The following PDGFD variants were observed in gnomAD, a reference collection of about 807,000 sequenced individuals.
PDGFD encodes platelet-derived growth factor D.
PDGFD carries 30 observed loss-of-function variants against 44.7 expected under a neutral mutation model. The ratio of observed to expected loss-of-function variants is 0.67; its 90% CI spans 0.50 to 0.91. The LOEUF (loss-of-function observed/expected upper bound fraction) is 0.91, where lower values mean the gene tolerates loss of function less well. Among genes scored for constraint, PDGFD ranks in the 40% least tolerant of loss-of-function variants. The pLI, the probability that PDGFD is intolerant of heterozygous loss-of-function variation, is 0.00. For missense variants in PDGFD, 445 were observed against 457.8 expected, an observed-to-expected ratio of 0.97 and a Z score of 0.25; for synonymous variants, 173 against 168.4, an observed-to-expected ratio of 1.03 and a Z score of -0.21.
intron 1 of PDGFD, among the ~76,000 whole-genome samples, chr11:104,091,105 G>C (rs2134437105): frequency 6.6e-6 from 1 of 152,264 alleles, no homozygotes; most frequent in African/African-American, 2.4e-5. Context: ...AGGTCTAAGA[G>C]GAAGCATGGT....
At position 104,163,878 on chromosome 11, in the gene PDGFD, C is replaced by G; in HGVS notation, c.50G>C (p.Ser17Thr). 1 of 1,577,332 alleles carries G rather than the reference C, an allele frequency of 6.3e-7. No individual in the cohort carries two copies. Among genetic ancestry groups the G allele is most frequent in the South Asian group, 1.1e-5 (1 of 86,962 alleles). ...VYTLICANFCSCRDTSATPQS... is the reference protein window; with the variant it reads ...VYTLICANFCTCRDTSATPQS... ...CGGGGTTGCAGAAGTGTCCCGACAG[C>G]TGCAAAAGTTTGCGCAGATTAGAGT... The change falls in exon 1 of 7, where the codon AGC becomes ACC. Residue 17 changes from serine to threonine, a missense_variant. By Grantham distance (58) the Ser-to-Thr change is moderately conservative (BLOSUM62 1). Coordinates refer to ENST00000393158, the MANE Select transcript of PDGFD (RefSeq NM_025208.5).
intron 1 of PDGFD, among the ~76,000 whole-genome samples, chr11:104,100,327 T>C (rs1861355997): frequency 6.6e-6 from 1 of 152,128 alleles, no homozygotes; most frequent in African/African-American, 2.4e-5. Flanking sequence ...CAGAGAACAC[T>C]ATAAACACGT....
intron 1 of PDGFD, among the ~76,000 whole-genome samples, chr11:104,054,855 C>T (rs546984269): frequency 4.2e-4 from 64 of 152,200 alleles, no homozygotes; most frequent in African/African-American, 1.4e-3. Flanking sequence ...TAATCAGCCT[C>T]GGAGAGGAGG....
At chr11:103,928,524 C>T (rs1209863097) in intron 5 of PDGFD, among the ~76,000 whole-genome samples, 1 of 152,194 alleles carries the variant, frequency 6.6e-6, no homozygotes, top group Non-Finnish European at 1.5e-5. Context: ...AGGAAAATTG[C>T]AGGAACAAGT....
At chr11:104,103,462 G>GTGTGTATATATATATA (rs1041388346) in intron 1 of PDGFD, among the ~76,000 whole-genome samples, 20 of 133,242 alleles carry the variant, frequency 1.5e-4, no homozygotes, top group African/African-American at 3.6e-4. Flanking sequence ...GTGTGTGTGT[G>GTGTGTATATATATATA]TATATATATA....
At chr11:104,126,601 G>A (rs1167261888) in intron 1 of PDGFD, among the ~76,000 whole-genome samples, 2 of 152,116 alleles carry the variant, frequency 1.3e-5, no homozygotes, top group African/African-American at 4.8e-5. Context: ...TGCTATTTCT[G>A]TTCTTAAGGA....
At chr11:103,949,225 A>C (rs1858709590) in intron 3 of PDGFD, among the ~76,000 whole-genome samples, 3 of 151,932 alleles carry the variant, frequency 2.0e-5, no homozygotes, top group Non-Finnish European at 4.4e-5. Flanking sequence ...CTGGTCTTGA[A>C]CTATTGACCT....
rs1858945271 is a variant in PDGFD, at chr11:103,962,019, A to G, written c.511-14295T>C. ...TTTTTTTATAATCTGGAATTCAGTGAACTTAAGTAACATAATGGGGTTCCT... is the reference window on the plus strand; with the variant it reads ...TTTTTTTATAATCTGGAATTCAGTGGACTTAAGTAACATAATGGGGTTCCT... On this transcript the variant is annotated intron_variant, in intron 3 of 6. Transcript: ENST00000393158. Among the ~76,000 whole-genome samples, 3 of 152,176 alleles carry G rather than the reference A, an allele frequency of 2.0e-5. 1 individual carries two copies. The highest frequency in any genetic ancestry group is 1.3e-4 in the Admixed American group (2 of 15,260).
In PDGFD at chr11:103,957,030, T is replaced by C. The variant is rs1157897953; in HGVS notation, c.511-9306A>G. ...GTTTGCCTGTTCACTCTGATGGTAG[T>C]TTCTTTTGCTGTGCAGAAGCTCTTT... is the stretch of plus-strand genomic sequence containing the variant. On this transcript the variant is annotated intron_variant, in intron 3 of 6. Coordinates refer to ENST00000393158, the MANE Select transcript of PDGFD (RefSeq NM_025208.5). Among the ~76,000 whole-genome samples the C allele has an allele frequency of 5.3e-5, 8 of 152,330 alleles. No individual in the cohort carries two copies. In the South Asian group the frequency reaches 1.7e-3, roughly 32 times the overall value.
intron 1 of PDGFD, among the ~76,000 whole-genome samples, chr11:104,159,566 T>TA (rs1227941969): frequency 6.6e-6 from 1 of 152,182 alleles, no homozygotes; most frequent in African/African-American, 2.4e-5. Context: ...TCTAGACTCT[T>TA]AGAGTGATAG....
rs547833423 is a variant in PDGFD at position 104,108,151 on chromosome 11, T to C, written c.124+55653A>G. The stretch of plus-strand genomic sequence containing the variant: ...GCAGGTAATTCAAAGAAAGAGGTCT[T>C]GGTGCTTAAGATAAGACACCAAAAG... On this transcript the variant is annotated intron_variant, in intron 1 of 6. Transcript: ENST00000393158. Among the ~76,000 whole-genome samples, 46 of 152,190 alleles carry C rather than the reference T, an allele frequency of 3.0e-4. No homozygotes were observed. In the South Asian group the frequency reaches 4.6e-3, roughly 15 times the overall value.
At chr11:103,946,647 C>T (rs1858671837) in intron 4 of PDGFD, 1 of 152,200 alleles carries the variant, frequency 6.6e-6, no homozygotes, top group South Asian at 2.1e-4. Flanking sequence ...AGCATATCTG[C>T]CTTGTGTTGA....
At chr11:103,972,720 C>G (rs976528275) in intron 3 of PDGFD, among the ~76,000 whole-genome samples, 2 of 152,150 alleles carry the variant, frequency 1.3e-5, no homozygotes, top group Admixed American at 1.3e-4. Context: ...AATGTCCATA[C>G]TGCTAATACT....
intron 1 of PDGFD, among the ~76,000 whole-genome samples, chr11:104,042,171 A>C (rs1337492006): frequency 6.6e-6 from 1 of 152,256 alleles, no homozygotes; most frequent in East Asian, 1.9e-4. Flanking sequence ...ATTCTGTCTT[A>C]GGTACCGATT....
rs981551524 is a variant in PDGFD, at chr11:104,082,133, C to CATATATATATATAT, written c.124+81670_124+81671insATATATATATATAT. ...ATTTTTGTTGATGTCCATATACATA[C>CATATATATATATAT]ATACATATATATATATGAAAAACAA... is the stretch of plus-strand genomic sequence containing the variant. On this transcript the variant is annotated intron_variant, in intron 1 of 6. Transcript: ENST00000393158. Among the ~76,000 whole-genome samples the CATATATATATATAT allele has an allele frequency of 5.4e-4, 63 of 117,534 alleles. 3 individuals are homozygous for CATATATATATATAT. Among genetic ancestry groups the CATATATATATATAT allele is most frequent in the East Asian group, 1.6e-3 (6 of 3,686 alleles). 77.1% of individuals were successfully genotyped at this position (117,534 alleles called of 152,430 possible).
chr11:104,088,745 A>G (rs1861169720), intron 1 of PDGFD, among the ~76,000 whole-genome samples: 1 of 152,166 alleles, frequency 6.6e-6, no homozygotes, highest in African/African-American at 2.4e-5. Flanking sequence ...GGTCAACTAG[A>G]TCAGACTCGT....
intron 1 of PDGFD, 40 bp from the exon 2 acceptor site, chr11:104,000,295 C>T: frequency 6.5e-7 from 1 of 1,532,874 alleles, no homozygotes; most frequent in Non-Finnish European, 9.0e-7. Flanking sequence ...GTATGTTGCT[C>T]CAATTACAGG....
chr11:104,109,636 C>T (rs1190148596), intron 1 of PDGFD, among the ~76,000 whole-genome samples: 1 of 151,872 alleles, frequency 6.6e-6, no homozygotes, highest in African/African-American at 2.4e-5. Flanking sequence ...GACTGGAATC[C>T]CCTAATGTCC....
chr11:103,954,947 G>A (rs1238264472), intron 3 of PDGFD, among the ~76,000 whole-genome samples: 1 of 151,482 alleles, frequency 6.6e-6, no homozygotes, highest in Admixed American at 6.6e-5. Context: ...GGCGGATCAC[G>A]AGGTCAGGAG....
Sources: gnomAD v4.1 joint callset for allele counts (sites outside exome capture counted in the v4.1 genomes callset) on GRCh38, gnomAD v4.1.1 for gene constraint, MANE v1.5 for transcripts, NCBI Gene and HGNC (gene_info 2026-07-23, HGNC 2026-07-21) for gene names.